Variants in PLCB1 observed in about 807,000 individuals in gnomAD.
The protein encoded by PLCB1 is phospholipase C beta 1.
PLCB1 carries 46 observed loss-of-function variants against 161.8 expected under a neutral mutation model. The ratio of observed to expected loss-of-function variants is 0.28; its 90% CI spans 0.22 to 0.36. The LOEUF (loss-of-function observed/expected upper bound fraction) is 0.36, where lower values mean the gene tolerates loss of function less well. Ranked by LOEUF, PLCB1 falls within the 10% of genes least tolerant of loss-of-function variation. The pLI is 1.00. For missense variants in PLCB1, 1,016 were observed against 1,472.5 expected, an observed-to-expected ratio of 0.69 and a Z score of 5.07; for synonymous variants, 517 against 503.7, an observed-to-expected ratio of 1.03 and a Z score of -0.35.
At chr20:8,298,919 G>C (rs1311740123) in intron 2 of PLCB1, among the ~76,000 whole-genome samples, 1 of 152,008 alleles carries the variant, frequency 6.6e-6, no homozygotes, top group African/African-American at 2.4e-5. Context: ...CCATAAACAC[G>C]CTCCATTAAG....
intron 2 of PLCB1, among the ~76,000 whole-genome samples, chr20:8,268,231 C>T (rs992175769): frequency 1.3e-5 from 2 of 151,784 alleles, no homozygotes; most frequent in African/African-American, 4.8e-5. Context: ...GTTTTTTGTC[C>T]TTGTGATAGT....
At chr20:8,540,911 AT>A (rs902751595) in intron 3 of PLCB1, among the ~76,000 whole-genome samples, 196 of 151,788 alleles carry the variant, frequency 1.3e-3, no homozygotes, top group Middle Eastern at 0.01. Context: ...GTATTTATTT[AT>A]TTTTTTTACT....
chr20:8,271,194 G>A (rs1379250087), intron 2 of PLCB1, among the ~76,000 whole-genome samples: 3 of 152,070 alleles, frequency 2.0e-5, no homozygotes, highest in Non-Finnish European at 4.4e-5. Context: ...AGAAATGTGG[G>A]AATAAAAGAG....
intron 2 of PLCB1, among the ~76,000 whole-genome samples, chr20:8,269,505 G>A (rs1013462181): frequency 3.3e-5 from 5 of 152,234 alleles, no homozygotes; most frequent in African/African-American, 1.2e-4. Flanking sequence ...TTTACTTGTA[G>A]ACTGTATTTT....
chr20:8,732,554 T>C (rs2123498743), intron 18 of PLCB1, among the ~76,000 whole-genome samples: 1 of 148,532 alleles, frequency 6.7e-6, no homozygotes, highest in South Asian at 2.1e-4. Flanking sequence ...TATATTCTAA[T>C]ATATTGTATT....
intron 2 of PLCB1, among the ~76,000 whole-genome samples, chr20:8,294,665 A>G (rs1016451982): frequency 6.6e-6 from 1 of 150,668 alleles, no homozygotes; most frequent in African/African-American, 2.4e-5. Context: ...TGGCCTTATC[A>G]GAAGTGCTTG....
intron 3 of PLCB1, among the ~76,000 whole-genome samples, chr20:8,388,904 A>T (rs1194378124): frequency 2.0e-5 from 3 of 152,166 alleles, no homozygotes; most frequent in African/African-American, 7.2e-5. Flanking sequence ...TTATATAACT[A>T]GTCAGAGATT....
At chr20:8,666,594 G>T (rs1387484599) in intron 9 of PLCB1, among the ~76,000 whole-genome samples, 1 of 152,212 alleles carries the variant, frequency 6.6e-6, no homozygotes, top group African/African-American at 2.4e-5. Flanking sequence ...AGAAGAGGCA[G>T]TTTGCAGAAA....
chr20:8,177,070 C>T (rs754240685), intron 2 of PLCB1, among the ~76,000 whole-genome samples: 8 of 152,028 alleles, frequency 5.3e-5, no homozygotes, highest in African/African-American at 7.2e-5. Flanking sequence ...TAATTTTACA[C>T]GAGAGTGCAA....
chr20:8,648,904 GC>G, intron 6 of PLCB1, among the ~76,000 whole-genome samples: 2 of 149,508 alleles, frequency 1.3e-5, no homozygotes, highest in African/African-American at 5.0e-5. Flanking sequence ...TCATGCCACT[GC>G]ACTCCAGCCT....
chr20:8,513,157 T>G (rs1983964741), intron 3 of PLCB1, among the ~76,000 whole-genome samples: 1 of 152,230 alleles, frequency 6.6e-6, no homozygotes. Flanking sequence ...ACTGTGTGAT[T>G]CCATTTTTTA....
intron 3 of PLCB1, among the ~76,000 whole-genome samples, chr20:8,600,509 C>T (rs1987527210): frequency 6.6e-6 from 1 of 151,236 alleles, no homozygotes; most frequent in South Asian, 2.1e-4. Context: ...TCAAAGCTCT[C>T]AGACAGGGAC....
At chr20:8,595,856 G>A (rs1310471578) in intron 3 of PLCB1, among the ~76,000 whole-genome samples, 16 of 130,050 alleles carry the variant, frequency 1.2e-4, no homozygotes, top group Middle Eastern at 3.8e-3. Flanking sequence ...GGCCAGTGAT[G>A]ATGAGCATTT....
intron 3 of PLCB1, among the ~76,000 whole-genome samples, chr20:8,436,643 G>C (rs1436210987): frequency 6.6e-6 from 1 of 151,414 alleles, no homozygotes. Context: ...CTTTGCTCTA[G>C]GCTTACATAC....
At chr20:8,395,765 G>C (rs772198614) in intron 3 of PLCB1, among the ~76,000 whole-genome samples, 1 of 151,944 alleles carries the variant, frequency 6.6e-6, no homozygotes, top group East Asian at 1.9e-4. Context: ...GAAGGATACT[G>C]TAGAGCATTT....
intron 3 of PLCB1, among the ~76,000 whole-genome samples, chr20:8,608,423 G>A (rs973404383): frequency 8.5e-5 from 13 of 152,210 alleles, no homozygotes; most frequent in African/African-American, 2.9e-4. Context: ...AAATGAGCTG[G>A]AAATCAACTC....
intron 2 of PLCB1, among the ~76,000 whole-genome samples, chr20:8,304,936 C>G (rs926593917): frequency 1.3e-5 from 2 of 152,196 alleles, no homozygotes; most frequent in Non-Finnish European, 2.9e-5. Context: ...TCAGCCATAC[C>G]TGTCCTGGAG....
chr20:8,393,611 C>T (rs533940534), intron 3 of PLCB1, among the ~76,000 whole-genome samples: 82 of 152,236 alleles, frequency 5.4e-4, no homozygotes, highest in African/African-American at 1.9e-3. Flanking sequence ...ACTGTGATTG[C>T]ACCACTGCAC....
chr20:8,261,732 A>C (rs1981708283), intron 2 of PLCB1, among the ~76,000 whole-genome samples: 1 of 152,186 alleles, frequency 6.6e-6, no homozygotes, highest in African/African-American at 2.4e-5. Context: ...TGTTATCCTA[A>C]AACAATTGAA....
Sources: allele counts gnomAD v4.1 joint callset (sites outside exome capture counted in the v4.1 genomes callset), GRCh38; gene constraint gnomAD v4.1.1; transcripts MANE v1.5; gene names NCBI Gene and HGNC (gene_info 2026-07-23, HGNC 2026-07-21).